UQCRC1: variants seen among roughly 807,000 people sequenced by gnomAD.
UQCRC1 encodes cytochrome b-c1 complex subunit 1, mitochondrial.
Under a neutral mutation model 58.0 loss-of-function variants are expected in UQCRC1, and 34 were observed. The ratio of observed to expected loss-of-function variants is 0.59; its 90% CI spans 0.45 to 0.78. UQCRC1 has a LOEUF of 0.78. Ranked by LOEUF, UQCRC1 falls within the 30% of genes least tolerant of loss-of-function variation. The pLI, the probability that UQCRC1 is intolerant of heterozygous loss-of-function variation, is 0.00. For missense variants in UQCRC1, 610 were observed against 646.0 expected, an observed-to-expected ratio of 0.94 and a Z score of 0.60; for synonymous variants, 276 against 248.8, an observed-to-expected ratio of 1.11 and a Z score of -1.03.
intron 3 of UQCRC1, 33 bp downstream of exon 3, chr3:48,605,737 A>G: frequency 6.2e-7 from 1 of 1,604,674 alleles, no homozygotes; most frequent in Non-Finnish European, 8.5e-7. Context: ...AGGCAGCCCT[A>G]AGCCCAGAGG....
chr3:48,603,706 C>T, intron 5 of UQCRC1, 63 bp from the exon 6 acceptor site: 1 of 1,483,966 alleles, frequency 6.7e-7, no homozygotes, highest in South Asian at 1.2e-5. Flanking sequence ...GGGGTACATG[C>T]ATGAATGGGA....
At chr3:48,604,501 AGGCCTGGCATCT>A (rs1329713415) in intron 4 of UQCRC1, 70 bp from the exon 5 acceptor site, 71 of 1,591,274 alleles carry the variant, frequency 4.5e-5, no homozygotes, top group Non-Finnish European at 2.7e-5. Flanking sequence ...CAAAATCCCC[AGGCCTGGCATCT>A]CCTGCTGCCC....
At chr3:48,605,290 A>G (rs771767196) in intron 3 of UQCRC1, among the ~76,000 whole-genome samples, 9 of 152,190 alleles carry the variant, frequency 5.9e-5, no homozygotes, top group Non-Finnish European at 1.2e-4. Context: ...AATTCTGCAC[A>G]CATACCTGTG....
At chr3:48,606,700 T>C (rs895046416) in intron 2 of UQCRC1, among the ~76,000 whole-genome samples, 11 of 148,110 alleles carry the variant, frequency 7.4e-5, no homozygotes, top group African/African-American at 2.5e-4. Context: ...GCCAAGATCG[T>C]GCCACTGCAC....
At chr3:48,601,311 G>A in intron 7 of UQCRC1, 41 bp downstream of exon 7, 1 of 1,605,874 alleles carries the variant, frequency 6.2e-7, no homozygotes, top group Non-Finnish European at 8.5e-7. Context: ...CCTCCCACAG[G>A]CCCCCAGCTG....
At chr3:48,601,200 A>T (rs995735114) in intron 7 of UQCRC1, 82 bp from the exon 8 acceptor site, 13 of 1,550,286 alleles carry the variant, frequency 8.4e-6, no homozygotes, top group Non-Finnish European at 8.7e-6. Flanking sequence ...TAGAGGGTGT[A>T]TGTGTGTGAA....
chr3:48,600,743 C>T lies in UQCRC1; in HGVS notation c.1064G>A (p.Gly355Asp). The T allele has an allele frequency of 6.2e-7, 1 of 1,614,148 alleles. No homozygotes were observed. The highest frequency in any genetic ancestry group is 8.5e-7 in the Non-Finnish European group (1 of 1,180,038). ...SICYAETGLL[G>D]AHFVCDRMKI... is the part of the protein sequence containing the mutation. ...CATTCGGTCACAGACAAAGTGTGCA[C>T]CCAGCAAGCCCGTCTCTGCATAGCA... The change falls in exon 9 of 13, where the codon GGT becomes GAT. Residue 355 changes from glycine (G) to aspartate (D), a missense_variant. Coordinates refer to ENST00000203407, the MANE Select transcript of UQCRC1 (RefSeq NM_003365.3).
Position 48,599,749 on chromosome 3 carries a change from C to A in UQCRC1, c.1303-39G>T, listed in dbSNP as rs745348366. The A allele has an allele frequency of 1.9e-6, 3 of 1,599,548 alleles. No homozygotes were observed. The Admixed American group carries it at 5.0e-5, about 27-fold the overall frequency. On this transcript the variant is annotated intron_variant, in intron 11 of 12. Coordinates refer to ENST00000203407, the MANE Select transcript of UQCRC1 (RefSeq NM_003365.3). Reference sequence around the variant, plus strand: ...CAGAGGGCATACTGGCTAACGGGCACCTGGCCACCACCTCAGCCAGTCAGC... The same window carrying A: ...CAGAGGGCATACTGGCTAACGGGCAACTGGCCACCACCTCAGCCAGTCAGC...
intron 2 of UQCRC1, among the ~76,000 whole-genome samples, chr3:48,608,745 G>C (rs1197032967): frequency 6.6e-6 from 1 of 152,186 alleles, no homozygotes; most frequent in Admixed American, 6.5e-5. Flanking sequence ...CTGTTAAAAT[G>C]CATTTGCTTC....
At chr3:48,603,528 C>T (rs1255140891) in intron 6 of UQCRC1, 36 bp downstream of exon 6, 6 of 1,608,394 alleles carry the variant, frequency 3.7e-6, no homozygotes, top group Non-Finnish European at 5.1e-6. Context: ...AGGCTGGGAC[C>T]CCACTACCCA....
chr3:48,604,912 A>G, intron 3 of UQCRC1, 132 bp from the exon 4 acceptor site: 1 of 1,288,956 alleles, frequency 7.8e-7, no homozygotes, highest in South Asian at 1.4e-5. Flanking sequence ...GGGGACACAG[A>G]TCCCAGAGTC....
intron 2 of UQCRC1, 61 bp downstream of exon 2, chr3:48,609,101 C>A: frequency 1.3e-6 from 2 of 1,557,680 alleles, no homozygotes; most frequent in Non-Finnish European, 1.7e-6. Context: ...CACACCCCAA[C>A]CAGGGAAAAG....
chr3:48,603,322 TG>T (rs2046382240), intron 6 of UQCRC1, among the ~76,000 whole-genome samples: 1 of 152,090 alleles, frequency 6.6e-6, no homozygotes, highest in Non-Finnish European at 1.5e-5. Flanking sequence ...TAGAACCAGG[TG>T]GGGCTAAGAC....
chr3:48,599,621 C>G lies in UQCRC1; in HGVS notation c.1378+14G>C. On this transcript the variant is annotated intron_variant, in intron 12 of 12. Coordinates refer to ENST00000203407, the MANE Select transcript of UQCRC1 (RefSeq NM_003365.3). The stretch of plus-strand genomic sequence containing the variant: ...GAGGAAATAAACAAAGAGCAGACCC[C>G]CTAGGCCACTTACCATATCCAGCCA... 1.9e-6 allele frequency: 3 copies of G among 1,613,654 alleles called. No homozygotes were observed. The highest frequency in any genetic ancestry group is 2.5e-6 in the Non-Finnish European group (3 of 1,179,836).
At chr3:48,604,604 C>A in intron 4 of UQCRC1, 47 bp downstream of exon 4, 2 of 1,612,026 alleles carry the variant, frequency 1.2e-6, no homozygotes, top group Non-Finnish European at 1.7e-6. Flanking sequence ...AGGTAGCTGT[C>A]CTCTGCTTCC....
In UQCRC1 at chr3:48,600,744, C is replaced by T; in HGVS notation, c.1063G>A (p.Gly355Ser). Residue 355 changes from glycine to serine, a missense_variant, in exon 9 of 13, where the codon GGT becomes AGT. Physicochemically the swap from Gly to Ser is moderately conservative, Grantham distance 56. Coordinates refer to ENST00000203407, the MANE Select transcript of UQCRC1 (RefSeq NM_003365.3). Reference protein sequence around the residue: ...SICYAETGLLGAHFVCDRMKI... With the variant: ...SICYAETGLLSAHFVCDRMKI... ...ATTCGGTCACAGACAAAGTGTGCACCCAGCAAGCCCGTCTCTGCATAGCAG... is the reference window on the plus strand; with the variant it reads ...ATTCGGTCACAGACAAAGTGTGCACTCAGCAAGCCCGTCTCTGCATAGCAG... 6.2e-7 allele frequency: 1 copy of T among 1,614,162 alleles called. No homozygotes were observed. Among genetic ancestry groups the T allele is most frequent in the Non-Finnish European group, 8.5e-7 (1 of 1,180,042 alleles).
rs1339878692 is a variant in UQCRC1, at chr3:48,601,048, C to T, written c.893G>A (p.Ser298Asn). Residue 298 changes from serine to asparagine, a missense_variant, in exon 8 of 13, where the codon AGC (serine) becomes AAC (asparagine). Transcript: ENST00000203407. ...AIAVEGPGWA[S>N]PDNVALQVAN... ...CACTTGCAAGGCCACATTGTCCGGGCTGGCCCAGCCAGGACCCTCTACTGC... is the reference window on the plus strand; with the variant it reads ...CACTTGCAAGGCCACATTGTCCGGGTTGGCCCAGCCAGGACCCTCTACTGC... 1.2e-6 allele frequency: 2 copies of T among 1,611,372 alleles called. No individual in the cohort carries two copies. The highest frequency in any genetic ancestry group is 1.7e-5 in the Admixed American group (1 of 59,942).
chr3:48,600,198 G>A (rs777977428), intron 10 of UQCRC1, 47 bp from the exon 11 acceptor site: 5 of 1,596,544 alleles, frequency 3.1e-6, no homozygotes, highest in South Asian at 1.1e-5. Flanking sequence ...CCCAATCCTG[G>A]ACCCACAGGT....
At chr3:48,600,391 T>G in intron 10 of UQCRC1, 91 bp downstream of exon 10, 1 of 1,518,576 alleles carries the variant, frequency 6.6e-7, no homozygotes, top group Non-Finnish European at 9.1e-7. Flanking sequence ...AGTTTTCCTT[T>G]CTAACCTTGG....
Sources: allele counts gnomAD v4.1 joint callset (sites outside exome capture counted in the v4.1 genomes callset), GRCh38; gene constraint gnomAD v4.1.1; transcripts MANE v1.5; gene names NCBI Gene and HGNC (gene_info 2026-07-23, HGNC 2026-07-21).